The following CCDC177 variants were observed in gnomAD, a reference collection of about 807,000 sequenced individuals.
CCDC177 encodes the protein coiled-coil domain-containing protein 177.
In CCDC177, 2 loss-of-function variants were observed where a neutral mutation model predicts 7.3. The ratio of observed to expected loss-of-function variants is 0.28; its 90% CI spans 0.11 to 0.87. The LOEUF (loss-of-function observed/expected upper bound fraction) is 0.87. CCDC177 is among the 40% of genes least tolerant of loss of function. The pLI, the probability that CCDC177 is intolerant of heterozygous loss-of-function variation, is 0.61. For missense variants in CCDC177, 874 were observed against 970.5 expected (o/e 0.90, Z 1.32); for synonymous variants, 401 against 449.2 (o/e 0.89, Z 1.36).
intron 1 of CCDC177, 50 bp from the exon 2 acceptor site, chr14:69,573,700 C>G: frequency 8.1e-7 from 1 of 1,227,214 alleles, no homozygotes; most frequent in African/African-American, 1.6e-5. Context: ...GAGCTCTTCC[C>G]CCCTCCTCAT....
chr14:69,573,175 C>T lies in CCDC177; in HGVS notation c.448G>A (p.Ala150Thr), dbSNP rs1053045682. Reference protein sequence around the residue: ...ERRAKLQQCRAERERIMREEK... With the variant: ...ERRAKLQQCRTERERIMREEK... ...TCGCGCATGATGCGCTCGCGCTCGG[C>T]CCGGCATTGCTGCAGCTTGGCGCGC... is the stretch of plus-strand genomic sequence containing the variant. The change falls in exon 2 of 2, where the codon GCC (alanine) becomes ACC (threonine). Residue 150 changes from alanine (A) to threonine (T), a missense_variant. Transcript: ENST00000599174. 4 of 1,230,218 alleles carry T rather than the reference C, an allele frequency of 3.3e-6. No homozygotes were observed. The African/African-American group carries it at 6.2e-5, about 19-fold the overall frequency. 76.2% of individuals were successfully genotyped at this position (1,230,218 alleles called of 1,614,324 possible).
Position 69,573,547 on chromosome 14 carries a change from A to G in CCDC177, c.76T>C (p.Ser26Pro). 1 of 1,231,746 alleles carries G rather than the reference A, an allele frequency of 8.1e-7. No individual in the cohort carries two copies. The highest frequency in any genetic ancestry group is 1.0e-6 in the Non-Finnish European group (1 of 987,960). The allele number at this position is 1,231,746 out of a possible 1,614,324, so 76.3% of individuals were successfully genotyped here. The change falls in exon 2 of 2, where the codon TCC becomes CCC. Residue 26 changes from serine to proline, a missense_variant. Coordinates refer to ENST00000599174, the MANE Select transcript of CCDC177 (RefSeq NM_001271507.2). ...GDSGGDEAVA[S>P]VPPDSQGAQE... The stretch of plus-strand genomic sequence containing the variant: ...GCGCCCTGGGAATCAGGGGGCACGG[A>G]CGCCACGGCCTCGTCCCCTCCAGAG...
At position 69,570,487 on chromosome 14, in the gene CCDC177, T is replaced by C. The variant is rs1884300015; in HGVS notation, c.*1012A>G. On this transcript the variant is annotated 3_prime_UTR_variant, in exon 2 of 2. Coordinates refer to ENST00000599174, the MANE Select transcript of CCDC177 (RefSeq NM_001271507.2). ...GCCACCACAGTAAAGCAGCCAAGGA[T>C]ACCCTAATTGTCCTCAGAGAAGTAG... The C allele has an allele frequency of 3.7e-6, 1 of 266,860 alleles. No individual in the cohort carries two copies. Among genetic ancestry groups the C allele is most frequent in the Admixed American group, 4.7e-5 (1 of 21,154 alleles). The allele number at this position is 266,860 out of a possible 1,614,324, so 16.5% of individuals were successfully genotyped here. A position where few individuals can be genotyped will look rare whatever the true frequency, so the allele number is the denominator to read the frequency against.
At position 69,571,482 on chromosome 14, in the gene CCDC177, C is replaced by G. The variant is rs1242254102; in HGVS notation, c.*17G>C. The G allele has an allele frequency of 8.0e-7, 1 of 1,245,270 alleles. No individual in the cohort carries two copies. The highest frequency in any genetic ancestry group is 1.5e-5 in the African/African-American group (1 of 64,976). The allele number at this position is 1,245,270 out of a possible 1,614,324, so 77.1% of individuals were successfully genotyped here. ...CAGGGGGCTGTGCGTGCCAATCTGGCTGGCAAAGAGCCGCAGTTATTTGCG... is the reference window on the plus strand; with the variant it reads ...CAGGGGGCTGTGCGTGCCAATCTGGGTGGCAAAGAGCCGCAGTTATTTGCG... On this transcript the variant is annotated 3_prime_UTR_variant, in exon 2 of 2. Coordinates refer to ENST00000599174, the MANE Select transcript of CCDC177 (RefSeq NM_001271507.2).
At position 69,571,360 on chromosome 14, in the gene CCDC177, TG is replaced by T; in HGVS notation, c.*138del. 1 of 566,954 alleles carries T rather than the reference TG, an allele frequency of 1.8e-6. No individual in the cohort carries two copies. The highest frequency in any genetic ancestry group is 2.9e-6 in the Non-Finnish European group (1 of 343,546). 35.1% of individuals were successfully genotyped at this position (566,954 alleles called of 1,614,324 possible). On this transcript the variant is annotated 3_prime_UTR_variant, in exon 2 of 2. Coordinates refer to ENST00000599174, the MANE Select transcript of CCDC177 (RefSeq NM_001271507.2). ...GGCCAGCTGACAGGTCCCAAACGTC[TG>T]TACTGTTGTTGCCTCATTGGTCAGA...
rs1884316445 is a variant in CCDC177 at position 69,571,182 on chromosome 14, A to C, written c.*317T>G. On this transcript the variant is annotated 3_prime_UTR_variant, in exon 2 of 2. Coordinates refer to ENST00000599174, the MANE Select transcript of CCDC177 (RefSeq NM_001271507.2). Reference sequence around the variant, plus strand: ...CCCTCTCCTGGGGGGCCCTCTCACCAGTCCTGATCAGCCCCTTTCCCCCAA... The same window carrying C: ...CCCTCTCCTGGGGGGCCCTCTCACCCGTCCTGATCAGCCCCTTTCCCCCAA... 1.9e-6 allele frequency: 1 copy of C among 517,984 alleles called. No homozygotes were observed. The highest frequency in any genetic ancestry group is 2.0e-5 in the South Asian group (1 of 49,776). The allele number at this position is 517,984 out of a possible 1,614,324, so 32.1% of individuals were successfully genotyped here. A position where few individuals can be genotyped will look rare whatever the true frequency, so the allele number is the denominator to read the frequency against.
rs1394099770 is a variant in CCDC177, at chr14:69,572,118, C to T, written c.1505G>A (p.Arg502Gln). 2 of 1,230,990 alleles carry T rather than the reference C, an allele frequency of 1.6e-6. No homozygotes were observed. Among genetic ancestry groups the T allele is most frequent in the African/African-American group, 1.6e-5 (1 of 64,354 alleles). The allele number at this position is 1,230,990 out of a possible 1,614,324, so 76.3% of individuals were successfully genotyped here. A position where few individuals can be genotyped will look rare whatever the true frequency, so the allele number is the denominator to read the frequency against. The change falls in exon 2 of 2, where the codon CGG becomes CAG. Residue 502 changes from arginine (R) to glutamine (Q), a missense_variant. Transcript: ENST00000599174. ...CGCCCGCTCGGCCCGGCTCAGCTCC[C>T]GCTTCTCCCGCTGCAGCTGGCCCTC... ...RQEGQLQREK[R>Q]ELSRAERARH...
rs1232059121 is a variant in CCDC177, at chr14:69,570,753, A to T, written c.*746T>A. On this transcript the variant is annotated 3_prime_UTR_variant, in exon 2 of 2. Transcript: ENST00000599174. ...CTCCAGGGGCTGGGGGTTTCTATTA[A>T]AGCTAAACAGCATCACCAAACCAAC... 2.2e-6 allele frequency: 1 copy of T among 456,150 alleles called. No homozygotes were observed. The highest frequency in any genetic ancestry group is 1.6e-5 in the South Asian group (1 of 64,486). The allele number at this position is 456,150 out of a possible 1,614,324, so 28.3% of individuals were successfully genotyped here.
rs1238585822 is a variant in CCDC177, at chr14:69,570,836, T to C, written c.*663A>G. 4 of 453,860 alleles carry C rather than the reference T, an allele frequency of 8.8e-6. No homozygotes were observed. The allele number at this position is 453,860 out of a possible 1,614,324, so 28.1% of individuals were successfully genotyped here. On this transcript the variant is annotated 3_prime_UTR_variant, in exon 2 of 2. Coordinates refer to ENST00000599174, the MANE Select transcript of CCDC177 (RefSeq NM_001271507.2). The stretch of plus-strand genomic sequence containing the variant: ...GGGGGCAAAGGACAAAAATTGAACA[T>C]TATCTGCAGATGACTGTCTAACTAG...
chr14:69,572,995 G>A lies in CCDC177; in HGVS notation c.628C>T (p.Pro210Ser). 8.1e-7 allele frequency: 1 copy of A among 1,230,762 alleles called. No individual in the cohort carries two copies. Among genetic ancestry groups the A allele is most frequent in the Non-Finnish European group, 1.0e-6 (1 of 987,494 alleles). 76.2% of individuals were successfully genotyped at this position (1,230,762 alleles called of 1,614,324 possible). A position where few individuals can be genotyped will look rare whatever the true frequency, so the allele number is the denominator to read the frequency against. Reference sequence around the variant, plus strand: ...TGGGTCCGGGCGGAGGAGGGACTAGGGGAAGCCTTGCGGGCCGCACGCGGC... The same window carrying A: ...TGGGTCCGGGCGGAGGAGGGACTAGAGGAAGCCTTGCGGGCCGCACGCGGC... ...PAPRAARKAS[P>S]SPSSARTQPP... Residue 210 changes from proline to serine, a missense_variant, in exon 2 of 2, where the codon CCT becomes TCT. Pro to Ser is a moderately conservative substitution (Grantham distance 74). Coordinates refer to ENST00000599174, the MANE Select transcript of CCDC177 (RefSeq NM_001271507.2).
chr14:69,574,487 A>G (rs1428885090), intron 1 of CCDC177, 55 bp downstream of exon 1: 1 of 152,208 alleles, frequency 6.6e-6, no homozygotes, highest in Non-Finnish European at 1.5e-5. Flanking sequence ...TGGAGTGCAA[A>G]GAACCTGGCC....
At chr14:69,573,772 C>G (rs572854793) in intron 1 of CCDC177, 122 bp from the exon 2 acceptor site, 3 of 929,762 alleles carry the variant, frequency 3.2e-6, no homozygotes, top group Non-Finnish European at 2.8e-6. Flanking sequence ...TTTGGTGGAA[C>G]GTAAATCATA....
At position 69,571,863 on chromosome 14, in the gene CCDC177, G is replaced by C. The variant is rs937003167; in HGVS notation, c.1760C>G (p.Ala587Gly). The C allele has an allele frequency of 8.9e-6, 11 of 1,231,396 alleles. No homozygotes were observed. Among genetic ancestry groups the C allele is most frequent in the Non-Finnish European group, 1.1e-5 (11 of 987,918 alleles). The allele number at this position is 1,231,396 out of a possible 1,614,324, so 76.3% of individuals were successfully genotyped here. Reference sequence around the variant, plus strand: ...CCGTCGCTCCCCCGCCCGGGCCAGCGCCTCCAGGTGCGCCTGATGTTCCCG... The same window carrying C: ...CCGTCGCTCCCCCGCCCGGGCCAGCCCCTCCAGGTGCGCCTGATGTTCCCG... ...KEREHQAHLE[A>G]LARAGERRLQ... The change falls in exon 2 of 2, where the codon GCG (alanine) becomes GGG (glycine). Residue 587 changes from alanine (A) to glycine (G), a missense_variant. Transcript: ENST00000599174.
At chr14:69,574,016 C>T (rs979558523) in intron 1 of CCDC177, among the ~76,000 whole-genome samples, 10 of 152,142 alleles carry the variant, frequency 6.6e-5, no homozygotes, top group Non-Finnish European at 1.0e-4. Flanking sequence ...GGAGGATTCC[C>T]GGGAGGATTA....
Position 69,572,118 on chromosome 14 carries a change from C to G in CCDC177, c.1505G>C (p.Arg502Pro). 3.2e-6 allele frequency: 4 copies of G among 1,231,098 alleles called. No individual in the cohort carries two copies. Among genetic ancestry groups the G allele is most frequent in the Non-Finnish European group, 4.1e-6 (4 of 987,608 alleles). 76.3% of individuals were successfully genotyped at this position (1,231,098 alleles called of 1,614,324 possible). A position where few individuals can be genotyped will look rare whatever the true frequency, so the allele number is the denominator to read the frequency against. The change falls in exon 2 of 2, where the codon CGG becomes CCG. Residue 502 changes from arginine (R) to proline (P), a missense_variant. By Grantham distance (103) the Arg-to-Pro change is moderately radical. Coordinates refer to ENST00000599174, the MANE Select transcript of CCDC177 (RefSeq NM_001271507.2). Reference protein sequence around the residue: ...RQEGQLQREKRELSRAERARH... With the variant: ...RQEGQLQREKPELSRAERARH... ...CGCCCGCTCGGCCCGGCTCAGCTCC[C>G]GCTTCTCCCGCTGCAGCTGGCCCTC...
rs1051347576 is a variant in CCDC177 at position 69,570,843 on chromosome 14, C to A, written c.*656G>T. 4.4e-6 allele frequency: 2 copies of A among 457,508 alleles called. No homozygotes were observed. The highest frequency in any genetic ancestry group is 8.8e-6 in the Non-Finnish European group (2 of 226,806). The allele number at this position is 457,508 out of a possible 1,614,324, so 28.3% of individuals were successfully genotyped here. On this transcript the variant is annotated 3_prime_UTR_variant, in exon 2 of 2. Transcript: ENST00000599174. ...AAGGACAAAAATTGAACATTATCTG[C>A]AGATGACTGTCTAACTAGAAAACCC...
Position 69,572,825 on chromosome 14 carries a change from C to T in CCDC177, c.798G>A (p.Pro266=). ...AGCTGTTCCTGGCCGAGGCCCGAGGCGGCCAGCGCAGCTCCCTCAAGCTTT... is the reference window on the plus strand; with the variant it reads ...AGCTGTTCCTGGCCGAGGCCCGAGGTGGCCAGCGCAGCTCCCTCAAGCTTT... ...SGESLRELRW[P]PRASARNSCP... Residue 266 remains proline (P), a synonymous_variant, in exon 2 of 2, where the codon CCG becomes CCA. Transcript: ENST00000599174. The T allele has an allele frequency of 3.2e-6, 4 of 1,231,146 alleles. No homozygotes were observed. Among genetic ancestry groups the T allele is most frequent in the Non-Finnish European group, 4.1e-6 (4 of 987,652 alleles). 76.3% of individuals were successfully genotyped at this position (1,231,146 alleles called of 1,614,324 possible). A position where few individuals can be genotyped will look rare whatever the true frequency, so the allele number is the denominator to read the frequency against.
chr14:69,573,101 GGCGGCGGC>G lies in CCDC177; in HGVS notation c.514_521del (p.Ala172ArgfsTer37), dbSNP rs1884369327. 1.6e-6 allele frequency: 2 copies of G among 1,219,638 alleles called. No individual in the cohort carries two copies. The highest frequency in any genetic ancestry group is 1.0e-6 in the Non-Finnish European group (1 of 980,784). The allele number at this position is 1,219,638 out of a possible 1,614,324, so 75.6% of individuals were successfully genotyped here. A position where few individuals can be genotyped will look rare whatever the true frequency, so the allele number is the denominator to read the frequency against. The stretch of plus-strand genomic sequence containing the variant: ...GGGCCGAGGCCGCGGCGGCGGCGGC[GGCGGCGGC>G]GGCCGCGGGGCTCAAAGGCGTGAAA... On this transcript the variant is annotated frameshift_variant, in exon 2 of 2. Transcript: ENST00000599174. LOFTEE classifies it low-confidence loss of function (END_TRUNC).
At position 69,572,566 on chromosome 14, in the gene CCDC177, G is replaced by A. The variant is rs989574045; in HGVS notation, c.1057C>T (p.Leu353Phe). The A allele has an allele frequency of 5.0e-5, 61 of 1,231,046 alleles. No homozygotes were observed. The highest frequency in any genetic ancestry group is 6.1e-5 in the Non-Finnish European group (60 of 987,556). The allele number at this position is 1,231,046 out of a possible 1,614,324, so 76.3% of individuals were successfully genotyped here. Residue 353 changes from leucine to phenylalanine, a missense_variant, in exon 2 of 2, where the codon CTC becomes TTC. By Grantham distance (22) the Leu-to-Phe change is conservative. Transcript: ENST00000599174. The part of the protein sequence containing the change: ...ALMLARHQEE[L>F]LLLEQRAAAH... ...GCCGCGCGTTGCTCCAGCAGCAGGA[G>A]CTCCTCCTGGTGCCGCGCCAGCATG... is the stretch of plus-strand genomic sequence containing the variant.
Sources: gnomAD v4.1 joint callset for allele counts (sites outside exome capture counted in the v4.1 genomes callset) on GRCh38, gnomAD v4.1.1 for gene constraint, MANE v1.5 for transcripts, NCBI Gene and HGNC (gene_info 2026-07-23, HGNC 2026-07-21) for gene names.